PCYT1B: variants seen among roughly 807,000 people sequenced by gnomAD.
The protein encoded by PCYT1B is phosphate cytidylyltransferase 1B, choline, also known as choline-phosphate cytidylyltransferase B.
Under a neutral mutation model 26.4 loss-of-function variants are expected in PCYT1B, and 10 were observed. That is an observed-to-expected ratio of 0.38 (90% confidence interval 0.23 to 0.64). PCYT1B has a LOEUF of 0.64. Among genes scored for constraint, PCYT1B ranks in the 30% least tolerant of loss-of-function variants. The probability of loss-of-function intolerance (pLI) is 0.56; values close to 1 mark genes in which losing one functional copy is unlikely to be tolerated. For synonymous variants in PCYT1B, 131 were observed against 108.4 expected, an observed-to-expected ratio of 1.21 and a Z score of -1.29; for missense variants, 161 against 292.7, an observed-to-expected ratio of 0.55 and a Z score of 3.28.
At chrX:24,641,856 G>C (rs749050865) in intron 1 of PCYT1B, among the ~76,000 whole-genome samples, 6 of 111,992 alleles carry the variant, frequency 5.4e-5, no homozygotes, top group Non-Finnish European at 1.1e-4. Flanking sequence ...CTGTTCTAGA[G>C]TTCTAGGCCA....
At chrX:24,665,207 T>C (rs756128442) in intron 1 of PCYT1B, among the ~76,000 whole-genome samples, 2 of 112,001 alleles carry the variant, frequency 1.8e-5, no homozygotes, top group South Asian at 3.7e-4. Context: ...AAATTAATAA[T>C]ATATTTATTT....
At chrX:24,574,561 G>A (rs138391053) in intron 7 of PCYT1B, among the ~76,000 whole-genome samples, 2 of 111,476 alleles carry the variant, frequency 1.8e-5, no homozygotes, top group African/African-American at 6.5e-5. Context: ...AAAAACCAGG[G>A]GAAAATCAGG....
intron 1 of PCYT1B, among the ~76,000 whole-genome samples, chrX:24,626,372 T>C (rs886824961): frequency 2.7e-5 from 3 of 112,095 alleles, no homozygotes; most frequent in African/African-American, 9.7e-5. Flanking sequence ...TGGACTTGAA[T>C]GATACACATT....
chrX:24,612,584 G>T (rs1033519866), intron 2 of PCYT1B, among the ~76,000 whole-genome samples: 1 of 112,086 alleles, frequency 8.9e-6, no homozygotes, highest in African/African-American at 3.2e-5. Flanking sequence ...AAACCACAAT[G>T]AGATAACACT....
intron 5 of PCYT1B, among the ~76,000 whole-genome samples, chrX:24,585,260 C>A (rs898337496): frequency 9.0e-6 from 1 of 111,562 alleles, no homozygotes; most frequent in Non-Finnish European, 1.9e-5. Context: ...GGGCCACTGG[C>A]ACCTTGTTTA....
intron 1 of PCYT1B, among the ~76,000 whole-genome samples, chrX:24,659,756 G>A (rs1048664778): frequency 9.0e-6 from 1 of 111,414 alleles, no homozygotes; most frequent in African/African-American, 3.3e-5. Flanking sequence ...GGAAGCAAGA[G>A]GGAGTTGAAC....
At chrX:24,641,218 C>G (rs982780430) in intron 1 of PCYT1B, among the ~76,000 whole-genome samples, 1 of 112,285 alleles carries the variant, frequency 8.9e-6, no homozygotes, top group Admixed American at 9.5e-5. Context: ...CAGGCATAAG[C>G]CACTGCGCCT....
At chrX:24,569,095 T>C (rs1057226115) in intron 7 of PCYT1B, among the ~76,000 whole-genome samples, 4 of 111,040 alleles carry the variant, frequency 3.6e-5, no homozygotes, top group Non-Finnish European at 7.5e-5. Flanking sequence ...CAAGACTCTG[T>C]CTTAAAAACA....
chrX:24,670,105 AAAGAAAGAAAGGAAGGAAGG>A (rs1207409274), intron 1 of PCYT1B, among the ~76,000 whole-genome samples: 7 of 24,302 alleles, frequency 2.9e-4, no homozygotes, highest in African/African-American at 3.6e-4. Flanking sequence ...AGAAAGAAAG[AAAGAAAGAAAGGAAGGAAGG>A]AAGGAAGGAA....
Position 24,561,292 on chromosome X carries a change from C to T in PCYT1B, c.*1001G>A, listed in dbSNP as rs1366666423. On this transcript the variant is annotated 3_prime_UTR_variant, in exon 8 of 8. Transcript: ENST00000379144. The stretch of plus-strand genomic sequence containing the variant: ...ACTCATATTGCACATGGGATACACC[C>T]GGGGATGACATATTGGAGCATATAT... 1 of 111,579 alleles carries T rather than the reference C, an allele frequency of 9.0e-6. No homozygotes were observed. The highest frequency in any genetic ancestry group is 1.9e-5 in the Non-Finnish European group (1 of 53,076). 9.2% of individuals were successfully genotyped at this position (111,579 alleles called of 1,213,427 possible). A position where few individuals can be genotyped will look rare whatever the true frequency, so the allele number is the denominator to read the frequency against.
intron 7 of PCYT1B, among the ~76,000 whole-genome samples, chrX:24,573,318 C>T (rs1923913498): frequency 9.0e-6 from 1 of 110,662 alleles, no homozygotes; most frequent in Non-Finnish European, 1.9e-5. Flanking sequence ...TACGCGCCAC[C>T]ACACCTGGCT....
intron 6 of PCYT1B, among the ~76,000 whole-genome samples, chrX:24,578,430 A>G (rs1778390730): frequency 9.0e-6 from 1 of 111,685 alleles, no homozygotes; most frequent in Non-Finnish European, 1.9e-5. Flanking sequence ...TGGCACGTGT[A>G]TACCTATGTA....
chrX:24,623,998 G>A (rs1450697789), intron 1 of PCYT1B, among the ~76,000 whole-genome samples: 1 of 95,201 alleles, frequency 1.1e-5, no homozygotes, highest in Non-Finnish European at 2.1e-5. Flanking sequence ...TTGAGACAGA[G>A]TCTCGCTCTG....
rs745308157 is a variant in PCYT1B, at chrX:24,588,896, TTTA to T, written c.486+1124_486+1126del. ...GTACGGAGTATATCCTCAATAAATGTTTATTATTATTATTATTATTAATTCTAT... is the reference window on the plus strand; with the variant it reads ...GTACGGAGTATATCCTCAATAAATGTTTATTATTATTATTATTAATTCTAT... On this transcript the variant is annotated intron_variant, in intron 4 of 7. Transcript: ENST00000379144. Among the ~76,000 whole-genome samples, 13 of 110,762 alleles carry T rather than the reference TTTA, an allele frequency of 1.2e-4. No individual in the cohort carries two copies. The South Asian group carries it at 1.9e-3, about 17-fold the overall frequency.
intron 2 of PCYT1B, among the ~76,000 whole-genome samples, chrX:24,617,449 A>T (rs1289348199): frequency 5.4e-4 from 26 of 48,148 alleles, no homozygotes; most frequent in African/African-American, 2.4e-3. Context: ...TTATATTATT[A>T]TTATTTTTTT....
At position 24,634,746 on chromosome X, in the gene PCYT1B, A is replaced by AAAAC. The variant is rs540789425; in HGVS notation, c.117+12239_117+12242dup. On this transcript the variant is annotated intron_variant, in intron 1 of 7. Transcript: ENST00000379144. ...GGGGACAGAGTGAGACTCCATCTCA[A>AAAAC]AAACAAACAAACAACAACAACAACA... Among the ~76,000 whole-genome samples the AAAAC allele has an allele frequency of 3.2e-3, 274 of 85,442 alleles. 1 individual carries two copies. The highest frequency in any genetic ancestry group is 0.022 in the Middle Eastern group (4 of 181). 74.2% of individuals were successfully genotyped at this position (85,442 alleles called of 115,157 possible). A position where few individuals can be genotyped will look rare whatever the true frequency, so the allele number is the denominator to read the frequency against.
intron 3 of PCYT1B, among the ~76,000 whole-genome samples, chrX:24,593,123 A>G (rs1924625117): frequency 9.0e-6 from 1 of 111,384 alleles, no homozygotes; most frequent in South Asian, 3.8e-4. Context: ...TGTCTTATTT[A>G]GTTTTATTGT....
chrX:24,563,865 A>G (rs1400952330), intron 7 of PCYT1B, among the ~76,000 whole-genome samples: 1 of 111,550 alleles, frequency 9.0e-6, no homozygotes, highest in Non-Finnish European at 1.9e-5. Flanking sequence ...AGGAACAGGG[A>G]GCCCACTTAT....
chrX:24,632,049 G>T (rs1342223682), intron 1 of PCYT1B, among the ~76,000 whole-genome samples: 3 of 112,132 alleles, frequency 2.7e-5, no homozygotes, highest in Non-Finnish European at 5.6e-5. Flanking sequence ...TGCCAGGATA[G>T]GTCCCAGTCA....
Sources: gnomAD v4.1 joint callset for allele counts (sites outside exome capture counted in the v4.1 genomes callset) on GRCh38, gnomAD v4.1.1 for gene constraint, MANE v1.5 for transcripts, NCBI Gene and HGNC (gene_info 2026-07-23, HGNC 2026-07-21) for gene names.